Variants in SRGAP1 observed in about 807,000 individuals in gnomAD.
SRGAP1 encodes the protein SLIT-ROBO Rho GTPase-activating protein 1.
Under a neutral mutation model 121.9 loss-of-function variants are expected in SRGAP1, and 43 were observed. The ratio of observed to expected loss-of-function variants is 0.35; its 90% CI spans 0.28 to 0.46. SRGAP1 has a LOEUF of 0.46. Among genes scored for constraint, SRGAP1 ranks in the 20% least tolerant of loss-of-function variants. The pLI, the probability that SRGAP1 is intolerant of heterozygous loss-of-function variation, is 1.00. For synonymous variants in SRGAP1, 447 were observed against 485.4 expected (o/e 0.92, Z 1.04); for missense variants, 1,102 against 1,350.9 (o/e 0.82, Z 2.89).
chr12:63,975,365 C>T (rs1280954425), intron 1 of SRGAP1, among the ~76,000 whole-genome samples: 1 of 152,176 alleles, frequency 6.6e-6, no homozygotes, highest in African/African-American at 2.4e-5. Context: ...TTGCCGACTC[C>T]ACTTACAACA....
intron 1 of SRGAP1, among the ~76,000 whole-genome samples, chr12:63,924,650 G>T (rs1049605498): frequency 6.6e-6 from 1 of 152,136 alleles, no homozygotes; most frequent in African/African-American, 2.4e-5. Context: ...AGGGGTTTCC[G>T]TGACTTTTTG....
chr12:64,047,276 A>C (rs1159407645), intron 6 of SRGAP1, among the ~76,000 whole-genome samples: 3 of 152,218 alleles, frequency 2.0e-5, no homozygotes, highest in African/African-American at 7.2e-5. Flanking sequence ...TAGAGTGTGA[A>C]TATGTATATT....
intron 1 of SRGAP1, among the ~76,000 whole-genome samples, chr12:63,908,334 TCTATGA>T (rs1229765050): frequency 6.6e-5 from 10 of 152,346 alleles, no homozygotes; most frequent in Non-Finnish European, 2.9e-5. Flanking sequence ...AGTTGTCTAA[TCTATGA>T]CTATGAGATG....
At chr12:64,017,439 G>A (rs1450785731) in intron 4 of SRGAP1, among the ~76,000 whole-genome samples, 1 of 152,140 alleles carries the variant, frequency 6.6e-6, no homozygotes, top group Non-Finnish European at 1.5e-5. Context: ...TGGATCACTT[G>A]AGGTCAGGAG....
intron 1 of SRGAP1, among the ~76,000 whole-genome samples, chr12:63,964,040 C>T (rs974496853): frequency 5.9e-5 from 9 of 151,746 alleles, no homozygotes; most frequent in African/African-American, 2.2e-4. Flanking sequence ...ATTTTTTTTC[C>T]CCTGGGGAAG....
Position 64,115,890 on chromosome 12 carries a change from G to T in SRGAP1, c.2221G>T (p.Asp741Tyr). The T allele has an allele frequency of 6.2e-7, 1 of 1,611,272 alleles. No individual in the cohort carries two copies. Among genetic ancestry groups the T allele is most frequent in the Non-Finnish European group, 8.5e-7 (1 of 1,178,424 alleles). ...DAGTEPHTSEDECEPIEAIAK... is the reference protein window; with the variant it reads ...DAGTEPHTSEYECEPIEAIAK... Reference sequence around the variant, plus strand: ...TGGTACAGAGCCCCACACAAGTGAAGATGGTATGCTCTCCCCTTATGCTAT... The same window carrying T: ...TGGTACAGAGCCCCACACAAGTGAATATGGTATGCTCTCCCCTTATGCTAT... Residue 741 changes from aspartate (D) to tyrosine (Y), a missense_variant, in exon 18 of 22, where the codon GAT (aspartate) becomes TAT (tyrosine). Physicochemically the swap from Asp to Tyr is radical, Grantham distance 160 (BLOSUM62 -3). Around this residue, in one of 3 missense-constraint regions of SRGAP1, gnomAD observed 747 missense variants for 929.4 expected, o/e 0.80. Coordinates refer to ENST00000355086, the MANE Select transcript of SRGAP1 (RefSeq NM_020762.4).
At chr12:63,991,500 A>G (rs1281777332) in intron 3 of SRGAP1, among the ~76,000 whole-genome samples, 1 of 152,252 alleles carries the variant, frequency 6.6e-6, no homozygotes, top group African/African-American at 2.4e-5. Context: ...ACTAAGGAGC[A>G]TACAATTTAA....
At position 64,095,157 on chromosome 12, in the gene SRGAP1, C is replaced by T; in HGVS notation, c.1631C>T (p.Ser544Phe). Residue 544 changes from serine to phenylalanine, a missense_variant, in exon 14 of 22, where the codon TCT becomes TTT. By Grantham distance (155) the Ser-to-Phe change is radical (BLOSUM62 -2). Transcript: ENST00000355086. ...GLQHQGIFRV[S>F]GSQVEVNDIK... ...CAGCATCAGGGGATTTTCAGAGTGTCTGGTTCCCAGGTGGAAGTCAATGAT... is the reference window on the plus strand; with the variant it reads ...CAGCATCAGGGGATTTTCAGAGTGTTTGGTTCCCAGGTGGAAGTCAATGAT... 6.2e-7 allele frequency: 1 copy of T among 1,614,082 alleles called. No individual in the cohort carries two copies. Among genetic ancestry groups the T allele is most frequent in the Non-Finnish European group, 8.5e-7 (1 of 1,180,000 alleles).
chr12:64,064,806 C>T (rs1196367483), intron 7 of SRGAP1, among the ~76,000 whole-genome samples: 1 of 152,172 alleles, frequency 6.6e-6, no homozygotes, highest in African/African-American at 2.4e-5. Flanking sequence ...GCAAAAGAGT[C>T]ATTAAGAATT....
At chr12:63,934,150 T>C (rs2031577421) in intron 1 of SRGAP1, among the ~76,000 whole-genome samples, 1 of 152,170 alleles carries the variant, frequency 6.6e-6, no homozygotes, top group Non-Finnish European at 1.5e-5. Flanking sequence ...AGACTCTTCC[T>C]ACTTATGTCA....
chr12:63,905,202 C>G (rs951858617), intron 1 of SRGAP1, among the ~76,000 whole-genome samples: 4 of 152,146 alleles, frequency 2.6e-5, no homozygotes, highest in Non-Finnish European at 5.9e-5. Flanking sequence ...TCGTTAGTGC[C>G]TTCCTAAAGG....
intron 1 of SRGAP1, among the ~76,000 whole-genome samples, chr12:63,856,418 A>ATC (rs1899253445): frequency 6.6e-6 from 1 of 152,182 alleles, no homozygotes; most frequent in East Asian, 1.9e-4. Flanking sequence ...TGTCTGTGTC[A>ATC]TCTTCTAAAT....
At chr12:63,919,499 CAT>C (rs10570691) in intron 1 of SRGAP1, among the ~76,000 whole-genome samples, 47,677 of 133,994 alleles carry the variant, frequency 0.36, 8,136 homozygotes, top group East Asian at 0.55. Flanking sequence ...CTTAACATTA[CAT>C]ATATATATAT....
chr12:63,871,911 C>G, intron 1 of SRGAP1: 1 of 1,414,166 alleles, frequency 7.1e-7, no homozygotes, highest in Non-Finnish European at 1.0e-6. Flanking sequence ...CTTTGTCTGC[C>G]CACCATAGCC....
chr12:64,060,504 A>G (rs1375268020), intron 6 of SRGAP1, among the ~76,000 whole-genome samples: 1 of 152,118 alleles, frequency 6.6e-6, no homozygotes. Context: ...CACCGCGCCC[A>G]GCCAAGATCC....
At chr12:64,005,179 A>G (rs1052497169) in intron 3 of SRGAP1, among the ~76,000 whole-genome samples, 10 of 152,222 alleles carry the variant, frequency 6.6e-5, no homozygotes, top group African/African-American at 2.2e-4. Flanking sequence ...GAAGCCTATA[A>G]AAAAGGAAAG....
At chr12:63,893,060 G>A (rs1159752510) in intron 1 of SRGAP1, among the ~76,000 whole-genome samples, 2 of 152,140 alleles carry the variant, frequency 1.3e-5, no homozygotes, top group Non-Finnish European at 2.9e-5. Context: ...TTGGAATTCT[G>A]TGCGACATAT....
rs1165691456 is a variant in SRGAP1, at chr12:64,094,960, T to C, written c.1568T>C (p.Val523Ala). 3 of 1,614,168 alleles carry C rather than the reference T, an allele frequency of 1.9e-6. No homozygotes were observed. The South Asian group carries it at 3.3e-5, about 18-fold the overall frequency. ...KDSGQVIPLI[V>A]ESCIRFINLY... is the part of the protein sequence containing the mutation. Reference sequence around the variant, plus strand: ...TCAGGACAGGTTATTCCCCTCATTGTGGAAAGCTGTATTCGGTTCATCAAT... The same window carrying C: ...TCAGGACAGGTTATTCCCCTCATTGCGGAAAGCTGTATTCGGTTCATCAAT... Residue 523 changes from valine to alanine, a missense_variant, in exon 13 of 22, where the codon GTG becomes GCG. By Grantham distance (64) the Val-to-Ala change is moderately conservative (BLOSUM62 0). Around this residue, in one of 3 missense-constraint regions of SRGAP1, gnomAD observed 747 missense variants for 929.4 expected, o/e 0.80. Coordinates refer to ENST00000355086, the MANE Select transcript of SRGAP1 (RefSeq NM_020762.4).
intron 1 of SRGAP1, among the ~76,000 whole-genome samples, chr12:63,849,172 A>G (rs1898996567): frequency 6.6e-6 from 1 of 152,234 alleles, no homozygotes; most frequent in African/African-American, 2.4e-5. Flanking sequence ...ATGTCTGGAA[A>G]AGTGTATGAA....
Sources: gnomAD v4.1 joint callset for allele counts (sites outside exome capture counted in the v4.1 genomes callset) on GRCh38, gnomAD v4.1.1 for gene constraint, gnomAD v4.1.1 regional missense constraint, MANE v1.5 for transcripts, NCBI Gene and HGNC (gene_info 2026-07-23, HGNC 2026-07-21) for gene names.